Variants in SCNN1A observed in about 807,000 individuals in gnomAD.
SCNN1A encodes sodium channel epithelial 1 subunit alpha.
Under a neutral mutation model 68.6 loss-of-function variants are expected in SCNN1A, and 65 were observed. The ratio of observed to expected loss-of-function variants is 0.95; its 90% CI spans 0.78 to 1.16. The LOEUF (loss-of-function observed/expected upper bound fraction) is 1.16. Among genes scored for constraint, SCNN1A ranks in the 50% most tolerant of loss-of-function variants. The pLI is 0.00. For missense variants in SCNN1A, 880 were observed against 865.9 expected (o/e 1.02, Z -0.20); for synonymous variants, 357 against 353.3 (o/e 1.01, Z -0.12).
Position 6,348,245 on chromosome 12 carries a change from G to A in SCNN1A, c.1638C>T (p.Thr546=). 2 of 1,613,976 alleles carry A rather than the reference G, an allele frequency of 1.2e-6. No homozygotes were observed. Among genetic ancestry groups the A allele is most frequent in the Non-Finnish European group, 1.7e-6 (2 of 1,179,974 alleles). Residue 546 remains threonine (T), a synonymous_variant, in exon 13 of 13, where the codon ACC becomes ACT. Coordinates refer to ENST00000228916, the MANE Select transcript of SCNN1A (RefSeq NM_001038.6). ...ACTGGCTGCCCAGGTTGGACAGGAG[G>A]GTGACCATCTGTGAGAGGAGAGGTA... ...NSESPSVTMV[T]LLSNLGSQWS...
intron 8 of SCNN1A, chr12:6,353,798 C>CAT (rs1565477950): frequency 7.4e-6 from 1 of 135,314 alleles, no homozygotes; most frequent in Non-Finnish European, 1.6e-5. Context: ...ACCGTGTTAG[C>CAT]CAGGATGGTC....
chr12:6,370,573 A>T (rs1948771534), intron 2 of SCNN1A, among the ~76,000 whole-genome samples: 1 of 152,194 alleles, frequency 6.6e-6, no homozygotes, highest in Non-Finnish European at 1.5e-5. Context: ...GATGAGAAGG[A>T]TCCAACCACC....
Position 6,363,689 on chromosome 12 carries a change from C to G in SCNN1A, c.438G>C (p.Glu146Asp). ...CTGTGATGCGGTCCAGCTCCTCCAG[C>G]TCCTCTTTAATTTCCGGGTACCTGA... The part of the protein sequence containing the change: ...NPYRYPEIKE[E>D]LEELDRITEQ... Residue 146 changes from glutamate (E) to aspartate (D), a missense_variant, in exon 3 of 13, where the codon GAG becomes GAC. Transcript: ENST00000228916. The G allele has an allele frequency of 6.2e-7, 1 of 1,601,722 alleles. No homozygotes were observed. Among genetic ancestry groups the G allele is most frequent in the Non-Finnish European group, 8.5e-7 (1 of 1,173,334 alleles).
intron 2 of SCNN1A, among the ~76,000 whole-genome samples, chr12:6,365,172 C>G (rs2136890240): frequency 6.6e-6 from 1 of 151,986 alleles, no homozygotes; most frequent in East Asian, 1.9e-4. Flanking sequence ...AGTGTGCCAC[C>G]ACACCAAGCT....
intron 6 of SCNN1A, 33 bp downstream of exon 6, chr12:6,355,239 G>A (rs755969072): frequency 2.0e-5 from 32 of 1,602,908 alleles, no homozygotes; most frequent in South Asian, 1.3e-4. Flanking sequence ...AATCTGAGGC[G>A]CTCCTTCCAG....
At chr12:6,363,901 G>A (rs922191476) in intron 2 of SCNN1A, 191 bp from the exon 3 acceptor site, 16 of 478,768 alleles carry the variant, frequency 3.3e-5, no homozygotes, top group African/African-American at 1.2e-4. Flanking sequence ...CGCCGGGAAG[G>A]CGGAGGCCAC....
intron 10 of SCNN1A, 55 bp downstream of exon 10, chr12:6,349,109 C>A (rs1343680155): frequency 1.2e-6 from 2 of 1,604,516 alleles, no homozygotes; most frequent in Admixed American, 1.7e-5. Context: ...CCAGAGAAGG[C>A]CACAGCATTA....
At chr12:6,366,597 T>C (rs1364371123) in intron 2 of SCNN1A, among the ~76,000 whole-genome samples, 1 of 152,050 alleles carries the variant, frequency 6.6e-6, no homozygotes, top group East Asian at 1.9e-4. Flanking sequence ...GGTCAAGAGT[T>C]CGAGACCAGA....
intron 2 of SCNN1A, among the ~76,000 whole-genome samples, chr12:6,369,856 T>A (rs201476035): frequency 4.0e-5 from 5 of 124,354 alleles, no homozygotes; most frequent in South Asian, 2.7e-4. Flanking sequence ...AAAAAAAAAA[T>A]CTCTCCCTCC....
chr12:6,354,217 C>T lies in SCNN1A; in HGVS notation c.1360+221G>A, dbSNP rs11609789. Among the ~76,000 whole-genome samples, 33,743 of 151,246 alleles carry T rather than the reference C, an allele frequency of 0.22. 4,537 individuals carry two copies. Among genetic ancestry groups the T allele is most frequent in the East Asian group, 0.41 (2,044 of 5,040 alleles). ...CTGCTCTCCAGCCTGGGTGACAGAG[C>T]GAGACTCCATTTCAAAAAAATAGAA... On this transcript the variant is annotated intron_variant, in intron 8 of 12. Transcript: ENST00000228916.
At chr12:6,349,867 C>CA (rs1177973726) in intron 8 of SCNN1A, 1 of 170,630 alleles carries the variant, frequency 5.9e-6, no homozygotes, top group Non-Finnish European at 1.3e-5. Flanking sequence ...GCTGGGACTA[C>CA]AGGCGCCCGC....
chr12:6,347,453 C>G lies in SCNN1A; in HGVS notation c.*420G>C, dbSNP rs1054838501. 4.6e-6 allele frequency: 1 copy of G among 215,136 alleles called. No individual in the cohort carries two copies. Among genetic ancestry groups the G allele is most frequent in the African/African-American group, 2.3e-5 (1 of 43,798 alleles). 13.3% of individuals were successfully genotyped at this position (215,136 alleles called of 1,614,324 possible). A position where few individuals can be genotyped will look rare whatever the true frequency, so the allele number is the denominator to read the frequency against. Reference sequence around the variant, plus strand: ...TGGAGAGCAGTGTGGCCAGGCCAGTCGGGGGCTGGCTTAAGCCGTCGCTGG... The same window carrying G: ...TGGAGAGCAGTGTGGCCAGGCCAGTGGGGGGCTGGCTTAAGCCGTCGCTGG... On this transcript the variant is annotated 3_prime_UTR_variant, in exon 13 of 13. Transcript: ENST00000228916.
Position 6,362,247 on chromosome 12 carries a change from C to G in SCNN1A, c.685-6G>C. The G allele has an allele frequency of 1.9e-6, 3 of 1,613,774 alleles. No homozygotes were observed. The highest frequency in any genetic ancestry group is 2.5e-6 in the Non-Finnish European group (3 of 1,179,652). On this transcript the variant is annotated splice_region_variant and splice_polypyrimidine_tract_variant and intron_variant, in intron 3 of 12. Transcript: ENST00000228916. ...TCCGATTTGTTCTGGTTGCACTGGA[C>G]ACAGAGACTAGAGTCAGAGGGGACA...
chr12:6,349,088 A>G (rs56003817), intron 10 of SCNN1A, 76 bp downstream of exon 10: 22 of 1,602,358 alleles, frequency 1.4e-5, no homozygotes, highest in Non-Finnish European at 1.9e-5. Flanking sequence ...ACACACTCAT[A>G]CACATAATAC....
intron 4 of SCNN1A, among the ~76,000 whole-genome samples, chr12:6,361,030 G>T (rs192540699): frequency 7.6e-4 from 116 of 152,294 alleles, no homozygotes; most frequent in African/African-American, 2.7e-3. Context: ...TCACACACTT[G>T]GTACAGCTCT....
chr12:6,363,811 A>T (rs1400067092), intron 2 of SCNN1A, 101 bp from the exon 3 acceptor site: 15 of 1,184,234 alleles, frequency 1.3e-5, no homozygotes, highest in Non-Finnish European at 1.7e-5. Flanking sequence ...AGGCCGGTCC[A>T]TCCCGGAGAA....
chr12:6,348,067 C>T lies in SCNN1A; in HGVS notation c.1816G>A (p.Ala606Thr). The change falls in exon 13 of 13, where the codon GCC (alanine) becomes ACC (threonine). Residue 606 changes from alanine (A) to threonine (T), a missense_variant. Coordinates refer to ENST00000228916, the MANE Select transcript of SCNN1A (RefSeq NM_001038.6). The stretch of plus-strand genomic sequence containing the variant: ...GGAGGGGAGGATGCCAGGGTGGAGG[C>T]TACCTCCTGAGCACCCCTGCCCCCT... ...GRGGRGAQEV[A>T]STLASSPPSH... The T allele has an allele frequency of 6.2e-7, 1 of 1,613,736 alleles. No individual in the cohort carries two copies. The highest frequency in any genetic ancestry group is 8.5e-7 in the Non-Finnish European group (1 of 1,179,826).
intron 2 of SCNN1A, among the ~76,000 whole-genome samples, chr12:6,369,833 C>CAA (rs397850777): frequency 0.073 from 6,844 of 93,434 alleles, 569 homozygotes; most frequent in East Asian, 0.37. Context: ...GACTCTGTCT[C>CAA]AAAAAAAAAA....
At chr12:6,368,707 G>A (rs776392247) in intron 2 of SCNN1A, among the ~76,000 whole-genome samples, 18 of 152,066 alleles carry the variant, frequency 1.2e-4, no homozygotes, top group Non-Finnish European at 2.4e-4. Flanking sequence ...CCTCTGGTCC[G>A]TCCCTGCTAC....
Sources: gnomAD v4.1 joint callset for allele counts (sites outside exome capture counted in the v4.1 genomes callset) on GRCh38, gnomAD v4.1.1 for gene constraint, MANE v1.5 for transcripts, NCBI Gene and HGNC (gene_info 2026-07-23, HGNC 2026-07-21) for gene names.